Variants in ADAM10 observed in about 807,000 individuals in gnomAD.
The protein encoded by ADAM10 is disintegrin and metalloproteinase domain-containing protein 10.
Under a neutral mutation model 90.1 loss-of-function variants are expected in ADAM10, and 17 were observed. The ratio of observed to expected loss-of-function variants is 0.19; its 90% CI spans 0.13 to 0.28. The LOEUF (loss-of-function observed/expected upper bound fraction) is 0.28. ADAM10 is among the 10% of genes least tolerant of loss of function. The pLI is 1.00. For missense variants in ADAM10, 610 were observed against 914.3 expected, an observed-to-expected ratio of 0.67 and a Z score of 4.29; for synonymous variants, 310 against 298.6, an observed-to-expected ratio of 1.04 and a Z score of -0.40.
intron 1 of ADAM10, chr15:58,749,141 T>C (rs1200968349): frequency 3.5e-5 from 14 of 397,908 alleles, no homozygotes; most frequent in Non-Finnish European, 6.2e-5. Flanking sequence ...ACTGGAGGGA[T>C]GCAGCCACCA....
chr15:58,730,157 C>CT (rs2084453962), intron 1 of ADAM10, among the ~76,000 whole-genome samples: 2 of 152,306 alleles, frequency 1.3e-5, no homozygotes, highest in Admixed American at 1.3e-4. Flanking sequence ...ATCCTTATTT[C>CT]TACACACTTG....
At chr15:58,746,425 C>T (rs1899794177) in intron 1 of ADAM10, among the ~76,000 whole-genome samples, 1 of 152,202 alleles carries the variant, frequency 6.6e-6, no homozygotes, top group African/African-American at 2.4e-5. Context: ...TGTACACATA[C>T]ACACAGAAAA....
chr15:58,688,907 TAAAA>T (rs1313096216), intron 2 of ADAM10, among the ~76,000 whole-genome samples: 1 of 131,360 alleles, frequency 7.6e-6, no homozygotes, highest in Non-Finnish European at 1.7e-5. Context: ...ATAAAGAGTT[TAAAA>T]AAAAAAAACC....
chr15:58,608,521 G>T (rs746416034), intron 14 of ADAM10, among the ~76,000 whole-genome samples: 3 of 152,140 alleles, frequency 2.0e-5, no homozygotes, highest in Non-Finnish European at 4.4e-5. Flanking sequence ...CACATTATGA[G>T]CATGCTATTC....
intron 1 of ADAM10, among the ~76,000 whole-genome samples, chr15:58,723,456 G>A (rs770301004): frequency 3.3e-5 from 5 of 152,054 alleles, no homozygotes; most frequent in African/African-American, 4.8e-5. Flanking sequence ...AAGCTGAGGT[G>A]GGTAGATCAC....
chr15:58,683,212 T>C (rs955718741), intron 2 of ADAM10, among the ~76,000 whole-genome samples: 1 of 152,224 alleles, frequency 6.6e-6, no homozygotes, highest in African/African-American at 2.4e-5. Context: ...TCAAGTCTTT[T>C]ATAATTGTGA....
At chr15:58,604,392 G>A (rs1168040028) in intron 14 of ADAM10, among the ~76,000 whole-genome samples, 1 of 152,038 alleles carries the variant, frequency 6.6e-6, no homozygotes, top group African/African-American at 2.4e-5. Flanking sequence ...ACTTAGCTCT[G>A]GCGTTATCTC....
intron 10 of ADAM10, among the ~76,000 whole-genome samples, chr15:58,624,872 C>T (rs1309594069): frequency 6.6e-6 from 1 of 152,132 alleles, no homozygotes; most frequent in Non-Finnish European, 1.5e-5. Context: ...AATAGGTACA[C>T]ATTTTGTTAT....
chr15:58,652,678 C>T (rs1482394626), intron 5 of ADAM10, among the ~76,000 whole-genome samples: 4 of 152,106 alleles, frequency 2.6e-5, no homozygotes, highest in Non-Finnish European at 5.9e-5. Context: ...ATGATTCCTC[C>T]AATTTTGTTC....
At chr15:58,649,552 T>C (rs1178894781) in intron 5 of ADAM10, among the ~76,000 whole-genome samples, 3 of 152,228 alleles carry the variant, frequency 2.0e-5, no homozygotes, top group African/African-American at 7.2e-5. Context: ...TAATTTTACT[T>C]TGATCTATTC....
At chr15:58,721,113 C>T (rs1389888058) in intron 1 of ADAM10, among the ~76,000 whole-genome samples, 1 of 152,232 alleles carries the variant, frequency 6.6e-6, no homozygotes, top group African/African-American at 2.4e-5. Context: ...GCACTCATGA[C>T]AAAAGCTCAA....
intron 2 of ADAM10, among the ~76,000 whole-genome samples, chr15:58,694,170 C>T (rs1476118259): frequency 6.6e-6 from 1 of 152,142 alleles, no homozygotes; most frequent in Non-Finnish European, 1.5e-5. Flanking sequence ...AAAAACCAGG[C>T]CAGGCACAGT....
At chr15:58,658,025 G>A (rs1167806574) in intron 5 of ADAM10, among the ~76,000 whole-genome samples, 1 of 151,868 alleles carries the variant, frequency 6.6e-6, no homozygotes, top group Admixed American at 6.6e-5. Flanking sequence ...TTTGAGGCAA[G>A]GTTTTTCAAT....
rs1292151673 is a variant in ADAM10 at position 58,589,596 on chromosome 15, A to C, written c.*7951T>G. On this transcript the variant is annotated 3_prime_UTR_variant, in exon 16 of 16. Coordinates refer to ENST00000260408, the MANE Select transcript of ADAM10 (RefSeq NM_001110.4). The stretch of plus-strand genomic sequence containing the variant: ...AGACTGCAGTCCTTTGGGGGCTGTG[A>C]AAAATTGCAGCAGGTTGATAAGTGA... 6.6e-6 allele frequency: 1 copy of C among 152,258 alleles called. No individual in the cohort carries two copies. Among genetic ancestry groups the C allele is most frequent in the African/African-American group, 2.4e-5 (1 of 41,448 alleles). 9.4% of individuals were successfully genotyped at this position (152,258 alleles called of 1,614,324 possible). A position where few individuals can be genotyped will look rare whatever the true frequency, so the allele number is the denominator to read the frequency against.
chr15:58,591,482 C>CT lies in ADAM10; in HGVS notation c.*6064dup, dbSNP rs1226486941. ...CTCACTATTTTGCCCAGGCTGGTCT[C>CT]TAACTCCTGAGCTCAAGTGATCCTC... On this transcript the variant is annotated 3_prime_UTR_variant, in exon 16 of 16. Coordinates refer to ENST00000260408, the MANE Select transcript of ADAM10 (RefSeq NM_001110.4). 1.3e-5 allele frequency: 2 copies of CT among 151,872 alleles called. No homozygotes were observed. The highest frequency in any genetic ancestry group is 6.6e-5 in the Admixed American group (1 of 15,240). The allele number at this position is 151,872 out of a possible 1,614,324, so 9.4% of individuals were successfully genotyped here.
In ADAM10 at chr15:58,597,360, C is replaced by A; in HGVS notation, c.*187G>T. 1.3e-6 allele frequency: 2 copies of A among 1,541,228 alleles called. No homozygotes were observed. Among genetic ancestry groups the A allele is most frequent in the South Asian group, 1.2e-5 (1 of 82,386 alleles). On this transcript the variant is annotated 3_prime_UTR_variant, in exon 16 of 16. Coordinates refer to ENST00000260408, the MANE Select transcript of ADAM10 (RefSeq NM_001110.4). ...GGGTTCCTTTTCCACCTCCCACCCC[C>A]AAATTGGAATTTTCAGGCTTTAAAA...
intron 9 of ADAM10, among the ~76,000 whole-genome samples, chr15:58,631,788 A>G (rs186433934): frequency 2.0e-5 from 3 of 152,336 alleles, no homozygotes; most frequent in Admixed American, 1.3e-4. Context: ...TTCTCTGCTC[A>G]TCTCTAAAAT....
chr15:58,624,554 C>T (rs1159181947), intron 10 of ADAM10, among the ~76,000 whole-genome samples: 1 of 152,116 alleles, frequency 6.6e-6, no homozygotes, highest in Non-Finnish European at 1.5e-5. Context: ...TTGTCTGAGA[C>T]AGAGTCTCGC....
intron 4 of ADAM10, among the ~76,000 whole-genome samples, chr15:58,666,199 C>T (rs1265735099): frequency 2.0e-5 from 3 of 150,452 alleles, no homozygotes; most frequent in East Asian, 2.1e-4. Flanking sequence ...GTTTAAATCC[C>T]ACAGTCAATT....
Sources: allele counts gnomAD v4.1 joint callset (sites outside exome capture counted in the v4.1 genomes callset), GRCh38; gene constraint gnomAD v4.1.1; transcripts MANE v1.5; gene names NCBI Gene and HGNC (gene_info 2026-07-23, HGNC 2026-07-21).